Variants in ZNF385D observed in about 807,000 individuals in gnomAD.
ZNF385D encodes the protein zinc finger protein 659.
ZNF385D carries 15 observed loss-of-function variants against 35.8 expected under a neutral mutation model. That is an observed-to-expected ratio of 0.42 (90% CI 0.28 to 0.64). ZNF385D has a LOEUF of 0.64. Ranked by LOEUF, ZNF385D falls within the 30% of genes least tolerant of loss-of-function variation. The pLI, the probability that ZNF385D is intolerant of heterozygous loss-of-function variation, is 0.23. For synonymous variants in ZNF385D, 212 were observed against 186.8 expected, an observed-to-expected ratio of 1.13 and a Z score of -1.10; for missense variants, 474 against 494.6, an observed-to-expected ratio of 0.96 and a Z score of 0.39.
In ZNF385D at chr3:21,650,430, A is replaced by T. The variant is rs2065878325; in HGVS notation, c.165+14456T>A. Among the ~76,000 whole-genome samples the T allele has an allele frequency of 2.6e-5, 4 of 152,132 alleles. No individual in the cohort carries two copies. In the South Asian group the frequency reaches 8.3e-4, roughly 32 times the overall value. On this transcript the variant is annotated intron_variant, in intron 2 of 7. Coordinates refer to ENST00000281523, the MANE Select transcript of ZNF385D (RefSeq NM_024697.3). The stretch of plus-strand genomic sequence containing the variant: ...CTGCCAATTACTGTAAAGAAAGACC[A>T]TCTAAACCAGTTAAATACAGGCAAC...
upstream of ZNF385D, among the ~76,000 whole-genome samples, chr3:21,753,431 C>T (rs9873889): frequency 0.61 from 92,342 of 151,890 alleles, 28,121 homozygotes; most frequent in Middle Eastern, 0.69. Flanking sequence ...CAGGGAGCAT[C>T]TGGTAATAGA....
chr3:21,548,245 A>G (rs949183841), intron 3 of ZNF385D, among the ~76,000 whole-genome samples: 22 of 152,288 alleles, frequency 1.4e-4, no homozygotes, highest in African/African-American at 5.3e-4. Flanking sequence ...ATGCTGCAAC[A>G]CCACCACACC....
At chr3:21,927,254 C>T (rs1390315190) in intron 3 of ZNF385D, among the ~76,000 whole-genome samples, 1 of 151,468 alleles carries the variant, frequency 6.6e-6, no homozygotes, top group African/African-American at 2.4e-5. Flanking sequence ...GCTTGCAGAA[C>T]CATGAGCCAA....
At chr3:21,751,236 A>AGCCC, upstream of ZNF385D, 13 of 1,106,726 alleles carry the variant, frequency 1.2e-5, no homozygotes, top group Non-Finnish European at 1.5e-5. Context: ...AGACCCCTCC[A>AGCCC]CCCCACCCCA....
At chr3:21,972,680 TTAAC>T (rs1321946666) in intron 3 of ZNF385D, among the ~76,000 whole-genome samples, 1 of 150,154 alleles carries the variant, frequency 6.7e-6, no homozygotes, top group East Asian at 1.9e-4. Context: ...TTGATAAGCT[TTAAC>T]TAGACTAAGA....
At chr3:22,353,794 C>G (rs186674853) in intron 2 of ZNF385D, among the ~76,000 whole-genome samples, 13 of 152,240 alleles carry the variant, frequency 8.5e-5, no homozygotes, top group Non-Finnish European at 1.5e-4. Flanking sequence ...TTTACACTTT[C>G]CTATTAACTG....
At chr3:22,275,853 G>C (rs932029936) in intron 2 of ZNF385D, among the ~76,000 whole-genome samples, 23 of 152,178 alleles carry the variant, frequency 1.5e-4, no homozygotes, top group Non-Finnish European at 1.6e-4. Flanking sequence ...GGGAGGCTGA[G>C]GCGGGTGGAT....
chr3:21,766,041 G>A (rs1381823517), intron 3 of ZNF385D, among the ~76,000 whole-genome samples: 2 of 152,022 alleles, frequency 1.3e-5, no homozygotes, highest in East Asian at 1.9e-4. Flanking sequence ...GCAGCATTGT[G>A]AAGAAAGGAA....
chr3:22,209,916 T>C lies in ZNF385D; in HGVS notation c.107-40881A>G, dbSNP rs1248927845. Among the ~76,000 whole-genome samples the C allele has an allele frequency of 2.0e-5, 3 of 151,914 alleles. No homozygotes were observed. The Admixed American group carries it at 2.0e-4, about 10-fold the overall frequency. ...TATTAATTCTGGAAGACCGATTGTT[T>C]ACCTTAGTAACGGGACACAGACAAT... On this transcript the variant is annotated intron_variant, in intron 2 of 5. Coordinates refer to the ZNF385D transcript ENST00000494108.
Position 22,187,386 on chromosome 3 carries a change from A to G in ZNF385D, c.107-18351T>C, listed in dbSNP as rs188987766. The stretch of plus-strand genomic sequence containing the variant: ...TAATGGAGCACTTTGGGTGGCTTAA[A>G]CTATTTAAGACCATAATTAATTTAG... On this transcript the variant is annotated intron_variant, in intron 2 of 5. Transcript: ENST00000494108. 1.6e-4 allele frequency among the ~76,000 whole-genome samples: 25 copies of G among 152,304 alleles called. No individual in the cohort carries two copies. In the East Asian group the frequency reaches 4.4e-3, roughly 27 times the overall value.
intron 3 of ZNF385D, among the ~76,000 whole-genome samples, chr3:22,084,437 G>A (rs1440982921): frequency 2.0e-5 from 3 of 152,124 alleles, no homozygotes; most frequent in African/African-American, 7.2e-5. Context: ...CCTAGTCTCT[G>A]ATTAAACAGA....
intron 2 of ZNF385D, among the ~76,000 whole-genome samples, chr3:21,603,051 T>C (rs2064362970): frequency 6.6e-6 from 1 of 152,176 alleles, no homozygotes; most frequent in South Asian, 2.1e-4. Flanking sequence ...TACCCCAAAC[T>C]TACTATCATT....
intron 3 of ZNF385D, among the ~76,000 whole-genome samples, chr3:22,154,835 A>G (rs1258832207): frequency 6.6e-6 from 1 of 152,174 alleles, no homozygotes; most frequent in Non-Finnish European, 1.5e-5. Flanking sequence ...TCTTTTAACT[A>G]TTGGATTCCT....
At chr3:22,096,343 T>C (rs1167808899) in intron 3 of ZNF385D, among the ~76,000 whole-genome samples, 1 of 142,574 alleles carries the variant, frequency 7.0e-6, no homozygotes, top group South Asian at 2.2e-4. Context: ...TTTAAATAAA[T>C]AAATACAAAT....
chr3:22,031,009 C>A (rs1417763528), intron 3 of ZNF385D, among the ~76,000 whole-genome samples: 1 of 152,198 alleles, frequency 6.6e-6, no homozygotes, highest in Non-Finnish European at 1.5e-5. Context: ...CTTAAGATTT[C>A]AAAGTCTCCT....
intron 3 of ZNF385D, among the ~76,000 whole-genome samples, chr3:22,099,623 C>A (rs1358540833): frequency 6.6e-6 from 1 of 151,918 alleles, no homozygotes; most frequent in Non-Finnish European, 1.5e-5. Flanking sequence ...TGGAAATAAT[C>A]CCTTGTGTGC....
At chr3:22,113,273 A>G (rs1168669963) in intron 3 of ZNF385D, among the ~76,000 whole-genome samples, 1 of 152,072 alleles carries the variant, frequency 6.6e-6, no homozygotes, top group Admixed American at 6.6e-5. Flanking sequence ...TTCTGACTCT[A>G]TGATTTAACA....
intron 3 of ZNF385D, among the ~76,000 whole-genome samples, chr3:21,764,801 C>T (rs7650118): frequency 0.32 from 48,024 of 151,968 alleles, 8,045 homozygotes; most frequent in East Asian, 0.43. Context: ...AGAAATGACA[C>T]TTTGAGGAAA....
At chr3:21,888,072 T>C (rs1459200379) in intron 3 of ZNF385D, among the ~76,000 whole-genome samples, 1 of 152,148 alleles carries the variant, frequency 6.6e-6, no homozygotes, top group Admixed American at 6.6e-5. Context: ...TCAAACTCAA[T>C]AATTGCTCCC....
Sources: allele counts gnomAD v4.1 joint callset (sites outside exome capture counted in the v4.1 genomes callset), GRCh38; gene constraint gnomAD v4.1.1; transcripts MANE v1.5; gene names NCBI Gene and HGNC (gene_info 2026-07-23, HGNC 2026-07-21).